The following PTPN9 variants were observed in gnomAD, a reference collection of about 807,000 sequenced individuals.
PTPN9 encodes tyrosine-protein phosphatase non-receptor type 9.
PTPN9 carries 26 observed loss-of-function variants against 69.8 expected under a neutral mutation model. The observed-to-expected ratio is 0.37, with a 90% confidence interval of 0.27 to 0.52. The LOEUF is 0.52. Ranked by LOEUF, PTPN9 falls within the 20% of genes least tolerant of loss-of-function variation. The pLI is 0.91. For synonymous variants in PTPN9, 274 were observed against 272.5 expected, an observed-to-expected ratio of 1.01 and a Z score of -0.05; for missense variants, 549 against 740.3, an observed-to-expected ratio of 0.74 and a Z score of 3.00.
At chr15:75,560,857 A>G (rs1050972200) in intron 1 of PTPN9, among the ~76,000 whole-genome samples, 1 of 151,994 alleles carries the variant, frequency 6.6e-6, no homozygotes, top group Non-Finnish European at 1.5e-5. Flanking sequence ...CGTCTCTACT[A>G]AAAATACAAA....
At chr15:75,534,895 C>T (rs1214206048) in intron 1 of PTPN9, among the ~76,000 whole-genome samples, 1 of 151,994 alleles carries the variant, frequency 6.6e-6, no homozygotes, top group East Asian at 1.9e-4. Context: ...ATAGCTTGAA[C>T]CCAGGAGGCA....
chr15:75,535,285 C>T (rs562300563), intron 1 of PTPN9, among the ~76,000 whole-genome samples: 8 of 152,220 alleles, frequency 5.3e-5, no homozygotes, highest in East Asian at 1.9e-4. Context: ...CCTGAGCCAC[C>T]GCGCCCGGCC....
intron 1 of PTPN9, among the ~76,000 whole-genome samples, chr15:75,577,497 T>A (rs557375026): frequency 6.6e-6 from 1 of 152,124 alleles, no homozygotes; most frequent in Non-Finnish European, 1.5e-5. Context: ...TCTTTTTAAA[T>A]TTTTTTCCCA....
chr15:75,480,672 C>T, intron 8 of PTPN9: 2 of 1,256,164 alleles, frequency 1.6e-6, no homozygotes, highest in Admixed American at 3.8e-5. Flanking sequence ...TGAAGCGGAG[C>T]CGCTGCCGCG....
At position 75,505,876 on chromosome 15, in the gene PTPN9, C is replaced by T; in HGVS notation, c.767G>A (p.Gly256Asp). The T allele has an allele frequency of 6.2e-7, 1 of 1,614,048 alleles. No homozygotes were observed. The highest frequency in any genetic ancestry group is 8.5e-7 in the Non-Finnish European group (1 of 1,180,016). The stretch of plus-strand genomic sequence containing the variant: ...GATCTCATCGAAGGGATCTGGGTGG[C>T]CGTTCACCTGGGGTAGGAACTGGAA... ...WNFQFLPQVN[G>D]HPDPFDEIIL... Residue 256 changes from glycine (G) to aspartate (D), a missense_variant, in exon 7 of 13, where the codon GGC becomes GAC. Around this residue, in one of 3 missense-constraint regions of PTPN9, gnomAD observed 457 missense variants for 661.9 expected, o/e 0.69. Coordinates refer to ENST00000618819, the MANE Select transcript of PTPN9 (RefSeq NM_002833.4).
At chr15:75,472,796 A>G (rs1177125599) in intron 10 of PTPN9, among the ~76,000 whole-genome samples, 2 of 139,388 alleles carry the variant, frequency 1.4e-5, no homozygotes, top group African/African-American at 2.6e-5. Context: ...AAAAAAAAAG[A>G]TATTAGCCAG....
chr15:75,479,736 G>A, intron 9 of PTPN9, 112 bp downstream of exon 9: 1 of 881,896 alleles, frequency 1.1e-6, no homozygotes, highest in South Asian at 1.8e-5. Flanking sequence ...AGGATCTAGT[G>A]GCCAAAACCT....
chr15:75,561,891 T>C (rs2075105444), intron 1 of PTPN9, among the ~76,000 whole-genome samples: 1 of 152,006 alleles, frequency 6.6e-6, no homozygotes, highest in African/African-American at 2.4e-5. Flanking sequence ...GTATGTTTAG[T>C]GAGATGGGGT....
At chr15:75,486,931 C>T (rs1481259653) in intron 8 of PTPN9, among the ~76,000 whole-genome samples, 4 of 151,384 alleles carry the variant, frequency 2.6e-5, no homozygotes, top group Non-Finnish European at 5.9e-5. Context: ...ACTACAGGCG[C>T]CCACCACCAC....
At chr15:75,503,790 G>A (rs1450990053) in intron 7 of PTPN9, among the ~76,000 whole-genome samples, 13 of 87,368 alleles carry the variant, frequency 1.5e-4, no homozygotes, top group African/African-American at 1.8e-4. Context: ...TCAGCCCCCC[G>A]TCCGGGAGGG....
chr15:75,576,457 G>A (rs987953407), intron 1 of PTPN9, among the ~76,000 whole-genome samples: 3 of 149,144 alleles, frequency 2.0e-5, no homozygotes, highest in Non-Finnish European at 4.5e-5. Context: ...GCTTGAACCC[G>A]GCAGATGGAG....
intron 9 of PTPN9, among the ~76,000 whole-genome samples, chr15:75,476,619 T>G (rs1160530994): frequency 2.0e-5 from 3 of 152,192 alleles, no homozygotes; most frequent in African/African-American, 7.2e-5. Flanking sequence ...CCGGCCTGGT[T>G]AAATATTTTG....
Position 75,465,758 on chromosome 15 carries a change from T to C in PTPN9, c.*3011A>G, listed in dbSNP as rs761643749. On this transcript the variant is annotated 3_prime_UTR_variant, in exon 13 of 13. Coordinates refer to ENST00000618819, the MANE Select transcript of PTPN9 (RefSeq NM_002833.4). ...GAAGTGATAGATAACCTCACCAGTCTTCAGATATGCAATGAGGAACTCATG... is the reference window on the plus strand; with the variant it reads ...GAAGTGATAGATAACCTCACCAGTCCTCAGATATGCAATGAGGAACTCATG... The C allele has an allele frequency of 2.6e-5, 4 of 152,196 alleles. No individual in the cohort carries two copies. Among genetic ancestry groups the C allele is most frequent in the Non-Finnish European group, 5.9e-5 (4 of 68,044 alleles). 9.4% of individuals were successfully genotyped at this position (152,196 alleles called of 1,614,324 possible).
chr15:75,483,606 G>A (rs1366507162), intron 8 of PTPN9, among the ~76,000 whole-genome samples: 1 of 152,180 alleles, frequency 6.6e-6, no homozygotes, highest in Non-Finnish European at 1.5e-5. Context: ...TGAAAAAAAT[G>A]TTCTAAAGTT....
At chr15:75,538,824 A>T (rs1003637655) in intron 1 of PTPN9, among the ~76,000 whole-genome samples, 1 of 152,214 alleles carries the variant, frequency 6.6e-6, no homozygotes, top group Non-Finnish European at 1.5e-5. Flanking sequence ...ATGCACATAA[A>T]TATTTGTAGG....
At chr15:75,482,646 G>T (rs1439708671) in intron 8 of PTPN9, among the ~76,000 whole-genome samples, 26 of 149,734 alleles carry the variant, frequency 1.7e-4, no homozygotes, top group African/African-American at 6.4e-4. Flanking sequence ...ACTGCGGAAG[G>T]CCGCAGGGTC....
chr15:75,484,514 C>T (rs1440502706), intron 8 of PTPN9, among the ~76,000 whole-genome samples: 1 of 152,200 alleles, frequency 6.6e-6, no homozygotes, highest in Non-Finnish European at 1.5e-5. Context: ...TATTCTCCCA[C>T]CTCCTAATGT....
chr15:75,577,531 A>C (rs2141348856), intron 1 of PTPN9, among the ~76,000 whole-genome samples: 1 of 152,352 alleles, frequency 6.6e-6, no homozygotes, highest in African/African-American at 2.4e-5. Flanking sequence ...ACCAGGTGTC[A>C]AAAGACAAAA....
intron 7 of PTPN9, among the ~76,000 whole-genome samples, chr15:75,503,956 C>T (rs1282802426): frequency 1.8e-5 from 2 of 113,896 alleles, no homozygotes; most frequent in African/African-American, 6.9e-5. Context: ...TGAGGGGCGC[C>T]TCTGCCCAGC....
Sources: allele counts gnomAD v4.1 joint callset (sites outside exome capture counted in the v4.1 genomes callset), GRCh38; gene constraint gnomAD v4.1.1; regional missense constraint gnomAD v4.1.1; transcripts MANE v1.5; gene names NCBI Gene and HGNC (gene_info 2026-07-23, HGNC 2026-07-21).